The following HDAC9 variants were observed in gnomAD, a reference collection of about 807,000 sequenced individuals.
The protein encoded by HDAC9 is MEF-2 interacting transcription repressor (MITR) protein.
In HDAC9, 41 loss-of-function variants were observed where a neutral mutation model predicts 139.4. That is an observed-to-expected ratio of 0.29 (90% confidence interval 0.23 to 0.38). HDAC9 has a LOEUF of 0.38. HDAC9 is among the 10% of genes least tolerant of loss of function. The probability of loss-of-function intolerance (pLI) is 1.00; values close to 1 mark genes in which losing one functional copy is unlikely to be tolerated. For missense variants in HDAC9, 1,147 were observed against 1,297.0 expected, an observed-to-expected ratio of 0.88 and a Z score of 1.78; for synonymous variants, 517 against 476.2, an observed-to-expected ratio of 1.09 and a Z score of -1.12.
rs1438507183 is a variant in HDAC9 at position 18,180,220 on chromosome 7, G to GAC, written c.25+17875_25+17876dup. On this transcript the variant is annotated intron_variant, in intron 2 of 12. Coordinates refer to the HDAC9 transcript ENST00000417496. ...CATTTCTTGTGAGCACCCTCCCCAA[G>GAC]ACACATACACACACACACACACACA... Among the ~76,000 whole-genome samples, 485 of 91,062 alleles carry GAC rather than the reference G, an allele frequency of 5.3e-3. 8 individuals are homozygous for GAC. The highest frequency in any genetic ancestry group is 0.017 in the African/African-American group (396 of 22,960). The allele number at this position is 91,062 out of a possible 152,430, so 59.7% of individuals were successfully genotyped here. A position where few individuals can be genotyped will look rare whatever the true frequency, so the allele number is the denominator to read the frequency against.
chr7:18,679,098 G>T (rs954841838), intron 12 of HDAC9, among the ~76,000 whole-genome samples: 1 of 151,828 alleles, frequency 6.6e-6, no homozygotes, highest in African/African-American at 2.4e-5. Flanking sequence ...CAGCTATTCT[G>T]GGGGGAATGA....
chr7:18,405,592 T>C (rs1562957097), intron 1 of HDAC9, among the ~76,000 whole-genome samples: 1 of 152,166 alleles, frequency 6.6e-6, no homozygotes, highest in South Asian at 2.1e-4. Flanking sequence ...CTGGGCATCC[T>C]TCTTAGAAAG....
intron 2 of HDAC9, among the ~76,000 whole-genome samples, chr7:18,241,436 C>G (rs1584797578): frequency 6.6e-6 from 1 of 152,136 alleles, no homozygotes; most frequent in Admixed American, 6.5e-5. Context: ...GTTCTTCCTG[C>G]CCTGTGGCTG....
chr7:18,802,772 C>T (rs1044720750), intron 17 of HDAC9, among the ~76,000 whole-genome samples: 1 of 151,306 alleles, frequency 6.6e-6, no homozygotes, highest in Non-Finnish European at 1.5e-5. Flanking sequence ...ATATTTTTAT[C>T]CTCAATTATA....
intron 1 of HDAC9, among the ~76,000 whole-genome samples, chr7:18,464,042 A>G (rs1454104448): frequency 1.3e-5 from 2 of 151,930 alleles, no homozygotes; most frequent in African/African-American, 2.4e-5. Context: ...ACTGAGGGAA[A>G]TATGTTAAAA....
At chr7:18,672,748 C>T (rs561230123) in intron 12 of HDAC9, among the ~76,000 whole-genome samples, 2 of 152,026 alleles carry the variant, frequency 1.3e-5, no homozygotes, top group South Asian at 4.1e-4. Context: ...TTTAAATATT[C>T]TTCTATGCAT....
chr7:18,611,309 TC>T (rs1410418986), intron 6 of HDAC9, among the ~76,000 whole-genome samples: 1 of 152,088 alleles, frequency 6.6e-6, no homozygotes, highest in Non-Finnish European at 1.5e-5. Context: ...GATTCTGAGA[TC>T]ACAACTAGCA....
intron 1 of HDAC9, among the ~76,000 whole-genome samples, chr7:18,129,039 T>G (rs1195116321): frequency 6.6e-6 from 1 of 152,156 alleles, no homozygotes; most frequent in Non-Finnish European, 1.5e-5. Flanking sequence ...GAACATAACA[T>G]AAGCCCCTAA....
At chr7:18,511,321 G>C (rs370424160) in intron 2 of HDAC9, among the ~76,000 whole-genome samples, 2 of 152,124 alleles carry the variant, frequency 1.3e-5, no homozygotes, top group South Asian at 4.2e-4. Flanking sequence ...GATCTGGAAA[G>C]ATCAATATCT....
chr7:18,652,273 GA>G (rs1789530135), intron 11 of HDAC9, among the ~76,000 whole-genome samples: 1 of 151,780 alleles, frequency 6.6e-6, no homozygotes, highest in Non-Finnish European at 1.5e-5. Flanking sequence ...CTGATTGGAG[GA>G]AAAAAGAGTT....
At chr7:18,238,559 T>C (rs1240859805) in intron 2 of HDAC9, among the ~76,000 whole-genome samples, 1 of 152,096 alleles carries the variant, frequency 6.6e-6, no homozygotes, top group Non-Finnish European at 1.5e-5. Context: ...TATATAGAAG[T>C]TTTGATGGAT....
chr7:18,793,371 G>A lies in HDAC9; in HGVS notation c.2241G>A (p.Glu747=), dbSNP rs780866672. 1.3e-6 allele frequency: 2 copies of A among 1,581,026 alleles called. No homozygotes were observed. Among genetic ancestry groups the A allele is most frequent in the South Asian group, 1.2e-5 (1 of 85,846 alleles). The change falls in exon 17 of 26, where the codon GAG becomes GAA. Residue 747 remains glutamate, a synonymous_variant. Transcript: ENST00000686413. ...LGVDSDTIWN[E]LHSSGAARMA... ...TGGACAGTGACACCATTTGGAATGAGCTACACTCGTCCGGTGCTGCACGCA... is the reference window on the plus strand; with the variant it reads ...TGGACAGTGACACCATTTGGAATGAACTACACTCGTCCGGTGCTGCACGCA...
intron 21 of HDAC9, among the ~76,000 whole-genome samples, chr7:18,849,554 TA>T (rs1342284117): frequency 1.3e-5 from 2 of 152,176 alleles, no homozygotes; most frequent in Admixed American, 6.5e-5. Flanking sequence ...ATATGACACA[TA>T]AAAAAGATGG....
chr7:18,206,751 T>G (rs1791538684), intron 2 of HDAC9, among the ~76,000 whole-genome samples: 1 of 152,104 alleles, frequency 6.6e-6, no homozygotes. Context: ...TTTGGAGGGG[T>G]GCATCATGCT....
chr7:18,631,996 A>G (rs1782498881), intron 7 of HDAC9, among the ~76,000 whole-genome samples: 1 of 151,788 alleles, frequency 6.6e-6, no homozygotes, highest in African/African-American at 2.4e-5. Context: ...ATAAAATAAT[A>G]TAAATATTAT....
intron 2 of HDAC9, among the ~76,000 whole-genome samples, chr7:18,535,192 G>T (rs551290573): frequency 1.2e-4 from 18 of 152,014 alleles, no homozygotes; most frequent in Admixed American, 1.1e-3. Context: ...TTTTGCTGTA[G>T]GTTTATAGCA....
At chr7:18,490,925 T>C (rs1796317417), upstream of HDAC9, among the ~76,000 whole-genome samples, 3 of 151,978 alleles carry the variant, frequency 2.0e-5, no homozygotes, top group South Asian at 6.2e-4. Context: ...AGAGCACAAA[T>C]TCGGTATTTG....
In HDAC9 at chr7:18,367,943, T is replaced by C. The variant is rs570067435; in HGVS notation, c.-42+77428T>C. Among the ~76,000 whole-genome samples the C allele has an allele frequency of 3.3e-5, 5 of 152,144 alleles. No individual in the cohort carries two copies. The East Asian group carries it at 5.8e-4, about 18-fold the overall frequency. On this transcript the variant is annotated intron_variant, in intron 1 of 3. Coordinates refer to the HDAC9 transcript ENST00000413509. The stretch of plus-strand genomic sequence containing the variant: ...GAGGTTGAGTATCTTTTGAAACTTA[T>C]TGATTTGATACTTATTCAACATAGT...
intron 23 of HDAC9, among the ~76,000 whole-genome samples, chr7:18,945,097 T>C (rs1782282663): frequency 6.6e-6 from 1 of 152,228 alleles, no homozygotes; most frequent in African/African-American, 2.4e-5. Context: ...GAAATATGCA[T>C]GTGTTTAAAT....
Sources: gnomAD v4.1 joint callset for allele counts (sites outside exome capture counted in the v4.1 genomes callset) on GRCh38, gnomAD v4.1.1 for gene constraint, MANE v1.5 for transcripts, NCBI Gene and HGNC (gene_info 2026-07-23, HGNC 2026-07-21) for gene names.